The following DUSP16 variants were observed in gnomAD, a reference collection of about 807,000 sequenced individuals.
The protein encoded by DUSP16 is dual specificity phosphatase 16, also known as dual specificity protein phosphatase 16.
In DUSP16, 21 loss-of-function variants were observed where a neutral mutation model predicts 58.3. The observed-to-expected ratio is 0.36, with a 90% CI of 0.26 to 0.52. DUSP16 has a LOEUF of 0.52. Ranked by LOEUF, DUSP16 falls within the 20% of genes least tolerant of loss-of-function variation. The probability of loss-of-function intolerance (pLI) is 0.94; values close to 1 mark genes in which losing one functional copy is unlikely to be tolerated. For synonymous variants in DUSP16, 320 were observed against 323.8 expected, an observed-to-expected ratio of 0.99 and a Z score of 0.12; for missense variants, 726 against 819.0, an observed-to-expected ratio of 0.89 and a Z score of 1.39.
chr12:12,526,634 T>C (rs897197301), intron 1 of DUSP16, among the ~76,000 whole-genome samples: 1 of 152,202 alleles, frequency 6.6e-6, no homozygotes, highest in Admixed American at 6.5e-5. Context: ...AATTTGTGCC[T>C]AGCCAGAGAA....
At chr12:12,552,932 C>T (rs1345875372) in intron 1 of DUSP16, among the ~76,000 whole-genome samples, 1 of 151,938 alleles carries the variant, frequency 6.6e-6, no homozygotes, top group East Asian at 1.9e-4. Context: ...AGGCGCCCAC[C>T]ACCACACCTG....
intron 1 of DUSP16, chr12:12,554,805 A>G (rs1019634248): frequency 6.6e-6 from 1 of 152,096 alleles, no homozygotes; most frequent in Non-Finnish European, 1.5e-5. Context: ...AACTGTCTCA[A>G]TTAAAAAAAA....
rs745348632 is a variant in DUSP16, at chr12:12,486,995, C to T, written c.691+33G>A. On this transcript the variant is annotated intron_variant, in intron 5 of 6. Transcript: ENST00000298573. ...TTCACCTACACATGAGACGATCACC[C>T]ACAGGACCTGCAATATTATTTGAGC... 7 of 1,611,276 alleles carry T rather than the reference C, an allele frequency of 4.3e-6. No individual in the cohort carries two copies. In the Admixed American group the frequency reaches 6.7e-5, roughly 15 times the overall value.
chr12:12,473,841 G>A lies in DUSP16; in HGVS notation c.*2992C>T, dbSNP rs55972923. Among the ~76,000 whole-genome samples the A allele has an allele frequency of 6.6e-6, 1 of 152,190 alleles. No individual in the cohort carries two copies. Among genetic ancestry groups the A allele is most frequent in the Non-Finnish European group, 1.5e-5 (1 of 68,038 alleles). On this transcript the variant is annotated 3_prime_UTR_variant, in exon 7 of 7. Transcript: ENST00000298573. The stretch of plus-strand genomic sequence containing the variant: ...AATTGCCCTTCCTGTTTTTCCTGTA[G>A]GAATCGTAACATCATTTACATGTTA...
chr12:12,533,117 T>C (rs1165923370), intron 1 of DUSP16, among the ~76,000 whole-genome samples: 1 of 152,206 alleles, frequency 6.6e-6, no homozygotes, highest in Non-Finnish European at 1.5e-5. Flanking sequence ...TGTTTATGAC[T>C]ATGAAGCTAG....
At position 12,477,950 on chromosome 12, in the gene DUSP16, T is replaced by C; in HGVS notation, c.881A>G (p.Tyr294Cys). ...NFNFLGQLLD[Y>C]EKKIKNQTGA... Reference sequence around the variant, plus strand: ...AGTCTGGTTCTTAATCTTCTTCTCATAGTCCAGGAGTTGGCCCAGAAAATT... The same window carrying C: ...AGTCTGGTTCTTAATCTTCTTCTCACAGTCCAGGAGTTGGCCCAGAAAATT... Residue 294 changes from tyrosine to cysteine, a missense_variant, in exon 7 of 7, where the codon TAT (tyrosine) becomes TGT (cysteine). Transcript: ENST00000298573. This position sits in a 1 kb window ranked among gnomAD's most constrained non-coding sequence, Gnocchi z 4.1. 6.2e-7 allele frequency: 1 copy of C among 1,614,190 alleles called. No individual in the cohort carries two copies. The highest frequency in any genetic ancestry group is 8.5e-7 in the Non-Finnish European group (1 of 1,180,008).
Position 12,562,543 on chromosome 12 carries a change from TAGAA to T in DUSP16, c.-796_-793del, listed in dbSNP as rs1187257757. ...TTAAAGCCCCCCAAACACTGATACA[TAGAA>T]AGAGGGGGAAAGGCGGGGGGGTGGG... On this transcript the variant is annotated 5_prime_UTR_variant, in exon 1 of 7. Transcript: ENST00000298573. 4.2e-5 allele frequency among the ~76,000 whole-genome samples: 4 copies of T among 95,302 alleles called. No individual in the cohort carries two copies. Among genetic ancestry groups the T allele is most frequent in the Non-Finnish European group, 7.6e-5 (4 of 52,524 alleles). The allele number at this position is 95,302 out of a possible 152,430, so 62.5% of individuals were successfully genotyped here.
At chr12:12,529,997 T>C (rs1206124397) in intron 1 of DUSP16, among the ~76,000 whole-genome samples, 1 of 152,222 alleles carries the variant, frequency 6.6e-6, no homozygotes, top group African/African-American at 2.4e-5. Flanking sequence ...GCAATAAACA[T>C]GGGTATGCAA....
Position 12,477,952 on chromosome 12 carries a change from G to T in DUSP16, c.879C>A (p.Asp293Glu), listed in dbSNP as rs747271129. ...TCTGGTTCTTAATCTTCTTCTCATA[G>T]TCCAGGAGTTGGCCCAGAAAATTGA... The part of the protein sequence containing the change: ...PNFNFLGQLL[D>E]YEKKIKNQTG... The change falls in exon 7 of 7, where the codon GAC becomes GAA. Residue 293 changes from aspartate to glutamate, a missense_variant. Coordinates refer to ENST00000298573, the MANE Select transcript of DUSP16 (RefSeq NM_030640.3). This position sits in a 1 kb window ranked among gnomAD's most constrained non-coding sequence, Gnocchi z 4.1. 3 of 1,612,700 alleles carry T rather than the reference G, an allele frequency of 1.9e-6. No individual in the cohort carries two copies. The highest frequency in any genetic ancestry group is 8.5e-7 in the Non-Finnish European group (1 of 1,179,036).
intron 3 of DUSP16, among the ~76,000 whole-genome samples, chr12:12,513,846 T>C (rs1001219264): frequency 6.6e-6 from 1 of 152,212 alleles, no homozygotes; most frequent in East Asian, 1.9e-4. Flanking sequence ...TAGTTTTCCT[T>C]TTTTTCACAT....
chr12:12,545,103 A>G (rs545003615), intron 1 of DUSP16, among the ~76,000 whole-genome samples: 1 of 152,334 alleles, frequency 6.6e-6, no homozygotes, highest in Admixed American at 6.5e-5. Context: ...AACTTATATA[A>G]ACTTCTGTAA....
chr12:12,562,049 C>A (rs1944912127), intron 1 of DUSP16, 68 bp downstream of exon 1: 1 of 149,316 alleles, frequency 6.7e-6, no homozygotes, highest in Admixed American at 6.6e-5. Context: ...TGCGGCCGGG[C>A]GGGAGGGCGC....
chr12:12,490,707 G>C (rs957500620), intron 4 of DUSP16, among the ~76,000 whole-genome samples: 2 of 152,100 alleles, frequency 1.3e-5, no homozygotes, highest in Non-Finnish European at 2.9e-5. Flanking sequence ...ATTTTTTAAA[G>C]AAGAGCAGGA....
chr12:12,477,724 C>G lies in DUSP16; in HGVS notation c.1107G>C (p.Ser369=). Residue 369 remains serine, a synonymous_variant, in exon 7 of 7, where the codon TCG becomes TCC. Coordinates refer to ENST00000298573, the MANE Select transcript of DUSP16 (RefSeq NM_030640.3). The surrounding 1 kb of genome is among the most constrained non-coding windows in gnomAD (Gnocchi z 4.1). ...SVPSVPSVQP[S]LLEDSPLVQA... ...GTACCAGCGGGCTGTCCTCTAACAGCGACGGCTGCACGCTGGGCACGCTGG... is the reference window on the plus strand; with the variant it reads ...GTACCAGCGGGCTGTCCTCTAACAGGGACGGCTGCACGCTGGGCACGCTGG... The G allele has an allele frequency of 6.2e-7, 1 of 1,611,290 alleles. No homozygotes were observed. The highest frequency in any genetic ancestry group is 1.1e-5 in the South Asian group (1 of 90,830).
At position 12,475,151 on chromosome 12, in the gene DUSP16, AAC is replaced by A. The variant is rs1163748057; in HGVS notation, c.*1680_*1681del. ...GTCAAAAAACTGTCCATTTCTCAAA[AAC>A]AGAGAAAAACCTGAGATACGAGGCA... On this transcript the variant is annotated 3_prime_UTR_variant, in exon 7 of 7. Transcript: ENST00000298573. 2 of 152,220 alleles carry A rather than the reference AAC, an allele frequency of 1.3e-5. No homozygotes were observed. The highest frequency in any genetic ancestry group is 2.9e-5 in the Non-Finnish European group (2 of 68,052). 9.4% of individuals were successfully genotyped at this position (152,220 alleles called of 1,614,324 possible).
chr12:12,519,596 C>T (rs1944200181), intron 3 of DUSP16, among the ~76,000 whole-genome samples: 1 of 152,146 alleles, frequency 6.6e-6, no homozygotes, highest in African/African-American at 2.4e-5. Flanking sequence ...TTTGAGCTAT[C>T]CATATGGGTG....
In DUSP16 at chr12:12,476,482, T is replaced by C; in HGVS notation, c.*351A>G. On this transcript the variant is annotated 3_prime_UTR_variant, in exon 7 of 7. Coordinates refer to ENST00000298573, the MANE Select transcript of DUSP16 (RefSeq NM_030640.3). The stretch of plus-strand genomic sequence containing the variant: ...CGGACAAAGACTAATATTTGAGATC[T>C]CTTAGTAGCACAACGTGAAAATGGT... 5.2e-6 allele frequency: 1 copy of C among 193,862 alleles called. No individual in the cohort carries two copies. The highest frequency in any genetic ancestry group is 1.0e-5 in the Non-Finnish European group (1 of 95,338). The allele number at this position is 193,862 out of a possible 1,614,324, so 12.0% of individuals were successfully genotyped here.
In DUSP16 at chr12:12,500,685, A is replaced by G; in HGVS notation, c.368-3T>C. On this transcript the variant is annotated splice_region_variant and splice_polypyrimidine_tract_variant and intron_variant, in intron 3 of 6. Transcript: ENST00000298573. ...ACGAGAGAACTCAGCAAACCCACCT[A>G]AGAATAAACATTATAAAATTATAAA... 2 of 1,555,146 alleles carry G rather than the reference A, an allele frequency of 1.3e-6. No homozygotes were observed. The highest frequency in any genetic ancestry group is 1.7e-6 in the Non-Finnish European group (2 of 1,157,762).
At chr12:12,533,198 T>C (rs1326069698) in intron 1 of DUSP16, among the ~76,000 whole-genome samples, 1 of 152,220 alleles carries the variant, frequency 6.6e-6, no homozygotes, top group Non-Finnish European at 1.5e-5. Context: ...AAAGGATTTA[T>C]AGCTAATGTA....
Sources: allele counts gnomAD v4.1 joint callset (sites outside exome capture counted in the v4.1 genomes callset), GRCh38; gene constraint gnomAD v4.1.1; non-coding constraint Gnocchi (gnomAD v3.1); transcripts MANE v1.5; gene names NCBI Gene and HGNC (gene_info 2026-07-23, HGNC 2026-07-21).